Variants in SLIT2 observed in about 807,000 individuals in gnomAD.
The protein encoded by SLIT2 is slit guidance ligand 2, also known as slit homolog 2 protein.
Under a neutral mutation model 185.7 loss-of-function variants are expected in SLIT2, and 41 were observed. The ratio of observed to expected loss-of-function variants is 0.22; its 90% CI spans 0.17 to 0.29. SLIT2 has a LOEUF of 0.29. SLIT2 is among the 10% of genes least tolerant of loss of function. SLIT2 has a pLI of 1.00. For synonymous variants in SLIT2, 693 were observed against 680.2 expected (o/e 1.02, Z -0.29); for missense variants, 1,571 against 1,909.0 (o/e 0.82, Z 3.30).
chr4:20,607,961 G>A (rs940555412), intron 33 of SLIT2, among the ~76,000 whole-genome samples: 6 of 152,114 alleles, frequency 3.9e-5, no homozygotes, highest in Non-Finnish European at 7.4e-5. Context: ...TGAACAAGAT[G>A]TGCCCCCAAA....
At chr4:20,568,813 C>G in intron 28 of SLIT2, 52 bp from the exon 29 acceptor site, 3 of 1,559,184 alleles carry the variant, frequency 1.9e-6, no homozygotes, top group Non-Finnish European at 1.8e-6. Context: ...GACCACATGA[C>G]TTTAAAATGC....
At chr4:20,294,253 G>A (rs938996077) in intron 4 of SLIT2, among the ~76,000 whole-genome samples, 1 of 151,390 alleles carries the variant, frequency 6.6e-6, no homozygotes, top group African/African-American at 2.4e-5. Context: ...TGAGTCTGAC[G>A]CACAAGAATT....
intron 33 of SLIT2, 73 bp downstream of exon 33, chr4:20,598,468 T>A: frequency 1.3e-6 from 2 of 1,543,704 alleles, no homozygotes; most frequent in Non-Finnish European, 1.8e-6. Flanking sequence ...TCTATCATTT[T>A]ATTATGGAGA....
chr4:20,420,161 C>T (rs1728059497), intron 4 of SLIT2, among the ~76,000 whole-genome samples: 1 of 152,144 alleles, frequency 6.6e-6, no homozygotes, highest in Non-Finnish European at 1.5e-5. Context: ...GAACACAACT[C>T]CACTTTTCTC....
intron 4 of SLIT2, among the ~76,000 whole-genome samples, chr4:20,343,971 C>T (rs1008319320): frequency 5.9e-5 from 9 of 151,964 alleles, no homozygotes; most frequent in Admixed American, 2.0e-4. Context: ...CTGCCTCAGC[C>T]GCTCCAGTAA....
chr4:20,336,842 T>C (rs1720547724), intron 4 of SLIT2, among the ~76,000 whole-genome samples: 1 of 152,168 alleles, frequency 6.6e-6, no homozygotes. Flanking sequence ...ATTACCATGG[T>C]CATTTGAACC....
chr4:20,548,511 G>A lies in SLIT2; in HGVS notation c.2369G>A (p.Ser790Asn). The A allele has an allele frequency of 6.2e-7, 1 of 1,603,570 alleles. No individual in the cohort carries two copies. The highest frequency in any genetic ancestry group is 8.5e-7 in the Non-Finnish European group (1 of 1,170,750). The change falls in exon 23 of 37, where the codon AGC becomes AAC. Residue 790 changes from serine to asparagine, a missense_variant. Around this residue, in one of 3 missense-constraint regions of SLIT2, gnomAD observed 1,202 missense variants for 1,416.4 expected, o/e 0.85. Transcript: ENST00000504154. ...AGAGACTTAAGTAACAACAGAATAA[G>A]CACGCTTTCTAATCAGAGCTTCAGC... The part of the protein sequence containing the change: ...TLIDLSNNRI[S>N]TLSNQSFSNM...
Position 20,486,195 on chromosome 4 carries a change from T to C in SLIT2, c.540-5T>C. ...AAATTCTAACTTTTCTTTTTAATTCTACAGCACTCTCAACAATAACAACAT... is the reference window on the plus strand; with the variant it reads ...AAATTCTAACTTTTCTTTTTAATTCCACAGCACTCTCAACAATAACAACAT... On this transcript the variant is annotated splice_region_variant and splice_polypyrimidine_tract_variant and intron_variant, in intron 6 of 36. Transcript: ENST00000504154. The C allele has an allele frequency of 6.3e-7, 1 of 1,576,344 alleles. No homozygotes were observed. Among genetic ancestry groups the C allele is most frequent in the Admixed American group, 1.7e-5 (1 of 59,826 alleles).
intron 4 of SLIT2, among the ~76,000 whole-genome samples, chr4:20,403,037 G>A (rs1577586035): frequency 1.3e-5 from 2 of 151,732 alleles, no homozygotes; most frequent in Middle Eastern, 6.8e-3. Context: ...AAAGCTTGTT[G>A]GTTAAACAAA....
At position 20,467,792 on chromosome 4, in the gene SLIT2, G is replaced by T. The variant is rs1342454585; in HGVS notation, c.436G>T (p.Ala146Ser). ...ENQIQAIPRK[A>S]FRGAVDIKNL... is the part of the protein sequence containing the mutation. ...CCAAATTCAGGCAATCCCAAGGAAA[G>T]CTTTCCGTGGGGCAGTTGACATAAA... Residue 146 changes from alanine to serine, a missense_variant, in exon 5 of 37, where the codon GCT becomes TCT. Physicochemically the swap from Ala to Ser is moderately conservative, Grantham distance 99 (BLOSUM62 1). Coordinates refer to ENST00000504154, the MANE Select transcript of SLIT2 (RefSeq NM_004787.4). The T allele has an allele frequency of 6.3e-7, 1 of 1,597,356 alleles. No homozygotes were observed. Among genetic ancestry groups the T allele is most frequent in the African/African-American group, 1.3e-5 (1 of 74,646 alleles).
intron 4 of SLIT2, among the ~76,000 whole-genome samples, chr4:20,389,926 T>C (rs1395124660): frequency 6.6e-6 from 1 of 152,108 alleles, no homozygotes; most frequent in Admixed American, 6.6e-5. Context: ...GGTTTTCCAA[T>C]CATCCGATAA....
intron 4 of SLIT2, among the ~76,000 whole-genome samples, chr4:20,409,693 G>A (rs1435242345): frequency 6.6e-6 from 1 of 152,166 alleles, no homozygotes; most frequent in South Asian, 2.1e-4. Context: ...CATCAACAAT[G>A]TAAAACCATT....
At chr4:20,534,421 G>T (rs1489899339) in intron 18 of SLIT2, among the ~76,000 whole-genome samples, 1 of 152,044 alleles carries the variant, frequency 6.6e-6, no homozygotes, top group Non-Finnish European at 1.5e-5. Flanking sequence ...GAAATATGGG[G>T]ATTAGATTGA....
chr4:20,386,477 C>T (rs1017812154), intron 4 of SLIT2, among the ~76,000 whole-genome samples: 1 of 152,182 alleles, frequency 6.6e-6, no homozygotes, highest in African/African-American at 2.4e-5. Context: ...GAAAATATTC[C>T]TTTGTTGAGC....
chr4:20,268,631 G>T (rs896168752), intron 3 of SLIT2, among the ~76,000 whole-genome samples, 179 bp from the exon 4 acceptor site: 1 of 151,852 alleles, frequency 6.6e-6, no homozygotes, highest in African/African-American at 2.4e-5. Flanking sequence ...ATGGAAAACT[G>T]CTGTAAAGAG....
At chr4:20,608,706 G>A (rs936332293) in intron 33 of SLIT2, among the ~76,000 whole-genome samples, 45 of 152,120 alleles carry the variant, frequency 3.0e-4, no homozygotes, top group African/African-American at 1.1e-3. Flanking sequence ...GCATACAACG[G>A]AAGATGATTA....
In SLIT2 at chr4:20,519,417, A is replaced by C; in HGVS notation, c.1094A>C (p.Lys365Thr). 1 of 1,594,056 alleles carries C rather than the reference A, an allele frequency of 6.3e-7. No homozygotes were observed. The highest frequency in any genetic ancestry group is 8.6e-7 in the Non-Finnish European group (1 of 1,162,772). Residue 365 changes from lysine to threonine, a missense_variant, in exon 12 of 37, where the codon AAA (lysine) becomes ACA (threonine). Coordinates refer to ENST00000504154, the MANE Select transcript of SLIT2 (RefSeq NM_004787.4). ...GGAAATAAAATCACAGAACTCCCCA[A>C]AAGTTTATTTGAAGGACTGTTTTCC... ...LYGNKITELP[K>T]SLFEGLFSLQ...
At chr4:20,281,950 G>A (rs1714817888) in intron 4 of SLIT2, among the ~76,000 whole-genome samples, 1 of 152,118 alleles carries the variant, frequency 6.6e-6, no homozygotes, top group Admixed American at 6.6e-5. Context: ...TTTTTCCTTA[G>A]TTCTTGTCAA....
At chr4:20,606,095 A>G (rs1253147491) in intron 33 of SLIT2, among the ~76,000 whole-genome samples, 1 of 152,172 alleles carries the variant, frequency 6.6e-6, no homozygotes, top group Non-Finnish European at 1.5e-5. Context: ...ATTCCTGGAC[A>G]TCCTCCAGTT....
Sources: allele counts gnomAD v4.1 joint callset (sites outside exome capture counted in the v4.1 genomes callset), GRCh38; gene constraint gnomAD v4.1.1; regional missense constraint gnomAD v4.1.1; transcripts MANE v1.5; gene names NCBI Gene and HGNC (gene_info 2026-07-23, HGNC 2026-07-21).